Variants in LTA4H observed in about 807,000 individuals in gnomAD.
LTA4H encodes the protein leukotriene A4 hydrolase.
Under a neutral mutation model 89.8 loss-of-function variants are expected in LTA4H, and 59 were observed. That is an observed-to-expected ratio of 0.66 (90% CI 0.53 to 0.82). The LOEUF (loss-of-function observed/expected upper bound fraction) is 0.82, where lower values mean the gene tolerates loss of function less well. Ranked by LOEUF, LTA4H falls within the 40% of genes least tolerant of loss-of-function variation. LTA4H has a pLI of 0.00. For missense variants in LTA4H, 617 were observed against 727.0 expected (o/e 0.85, Z 1.74); for synonymous variants, 227 against 253.1 (o/e 0.90, Z 0.98).
In LTA4H at chr12:96,022,928, C is replaced by T. The variant is rs995820654; in HGVS notation, c.481-677G>A. Among the ~76,000 whole-genome samples the T allele has an allele frequency of 3.3e-5, 5 of 152,136 alleles. No homozygotes were observed. The highest frequency in any genetic ancestry group is 6.5e-5 in the Admixed American group (1 of 15,274). On this transcript the variant is annotated intron_variant, in intron 4 of 18. Coordinates refer to ENST00000228740, the MANE Select transcript of LTA4H (RefSeq NM_000895.3). This position sits in a 1 kb window ranked among gnomAD's most constrained non-coding sequence, Gnocchi z 4.0. ...ACACTTGGAGTTACAAATAGAGGAA[C>T]ATTTTAAAAGTAGTAACTGTGAAAA...
intron 5 of LTA4H, among the ~76,000 whole-genome samples, chr12:96,021,656 C>T (rs1950453863): frequency 6.9e-6 from 1 of 145,128 alleles, no homozygotes; most frequent in African/African-American, 2.7e-5. Context: ...ATTGTGAGGT[C>T]AATTAAGAAA....
At chr12:96,010,116 C>G (rs7296106) in intron 14 of LTA4H, 7 of 152,016 alleles carry the variant, frequency 4.6e-5, no homozygotes, top group Non-Finnish European at 7.3e-5. Flanking sequence ...TGCTTTCAAC[C>G]AAAACATTAT....
upstream of LTA4H, among the ~76,000 whole-genome samples, chr12:96,036,925 C>T (rs1043451462): frequency 9.2e-5 from 14 of 152,110 alleles, no homozygotes; most frequent in African/African-American, 2.7e-4. Flanking sequence ...CTACATGGCC[C>T]GAGCAAGAGC....
chr12:96,035,210 G>A, intron 1 of LTA4H, 151 bp downstream of exon 1: 1 of 756,214 alleles, frequency 1.3e-6, no homozygotes, highest in Non-Finnish European at 2.1e-6. Flanking sequence ...CACAACATGA[G>A]TTGGATGGAG....
chr12:96,006,477 C>A, intron 15 of LTA4H, 68 bp from the exon 16 acceptor site: 3 of 843,894 alleles, frequency 3.6e-6, no homozygotes, highest in South Asian at 1.8e-5. Context: ...GTTTATCTGA[C>A]ATAAAAGTAA....
intron 1 of LTA4H, among the ~76,000 whole-genome samples, chr12:96,041,796 C>G (rs1378005625): frequency 6.6e-6 from 1 of 151,352 alleles, no homozygotes; most frequent in African/African-American, 2.4e-5. Flanking sequence ...CGCCCGCCAC[C>G]ACGCCCAGCT....
upstream of LTA4H, among the ~76,000 whole-genome samples, chr12:96,039,919 C>T (rs1408981837): frequency 1.3e-5 from 2 of 152,172 alleles, no homozygotes. Context: ...TGTCTTACCT[C>T]TTGGATAATT....
chr12:96,035,895 T>G (rs550044778), upstream of LTA4H, among the ~76,000 whole-genome samples: 29 of 152,148 alleles, frequency 1.9e-4, no homozygotes, highest in Non-Finnish European at 3.1e-4. Flanking sequence ...TTGGCTCTGT[T>G]CAACTTTCGT....
intron 9 of LTA4H, among the ~76,000 whole-genome samples, 182 bp from the exon 10 acceptor site, chr12:96,017,296 A>C (rs939632355): frequency 4.6e-5 from 7 of 152,236 alleles, no homozygotes; most frequent in Non-Finnish European, 1.0e-4. Flanking sequence ...CAAATATGGC[A>C]TAAAGTAATT....
chr12:96,021,471 T>C (rs532016327), intron 5 of LTA4H, among the ~76,000 whole-genome samples: 1 of 152,316 alleles, frequency 6.6e-6, no homozygotes, highest in South Asian at 2.1e-4. Context: ...ATTTCCCATA[T>C]GTTTGCCTTT....
At chr12:96,034,339 G>A (rs1025739468) in intron 1 of LTA4H, among the ~76,000 whole-genome samples, 1 of 152,134 alleles carries the variant, frequency 6.6e-6, no homozygotes, top group Non-Finnish European at 1.5e-5. Flanking sequence ...TCAGATGAAA[G>A]GTATAAACCA....
intron 14 of LTA4H, 67 bp downstream of exon 14, chr12:96,013,121 C>G (rs117467821): frequency 8.2e-7 from 1 of 1,213,438 alleles, no homozygotes; most frequent in African/African-American, 1.5e-5. Context: ...ACTATTCTTT[C>G]AGATATTTTG....
At chr12:96,015,203 T>A in intron 11 of LTA4H, 1 of 506,992 alleles carries the variant, frequency 2.0e-6, no homozygotes, top group Non-Finnish European at 3.4e-6. Flanking sequence ...CTCTGTTGTT[T>A]CTTGCTCAAT....
intron 1 of LTA4H, 114 bp downstream of exon 1, chr12:96,035,247 G>C (rs941418244): frequency 4.6e-6 from 5 of 1,085,704 alleles, no homozygotes; most frequent in Non-Finnish European, 6.5e-6. Flanking sequence ...CGGGGACGTG[G>C]GGCTAGGCAG....
chr12:96,020,769 G>T, intron 6 of LTA4H: 1 of 222,930 alleles, frequency 4.5e-6, no homozygotes. Context: ...CTATGAGGTA[G>T]AAAGTCAGAC....
chr12:96,015,580 T>C lies in LTA4H; in HGVS notation c.1059+3A>G. On this transcript the variant is annotated splice_donor_region_variant and intron_variant, in intron 11 of 18. Coordinates refer to ENST00000228740, the MANE Select transcript of LTA4H (RefSeq NM_000895.3). ...AAGGTTTTTAAAACTTTGACTCCTT[T>C]ACCGAATTCTGTAGTTCTCCCCATC... is the stretch of plus-strand genomic sequence containing the variant. 6.2e-7 allele frequency: 1 copy of C among 1,601,362 alleles called. No individual in the cohort carries two copies. Among genetic ancestry groups the C allele is most frequent in the Non-Finnish European group, 8.5e-7 (1 of 1,170,044 alleles).
At chr12:96,024,228 A>C (rs1183755946) in intron 4 of LTA4H, among the ~76,000 whole-genome samples, 1 of 152,068 alleles carries the variant, frequency 6.6e-6, no homozygotes, top group Non-Finnish European at 1.5e-5. Flanking sequence ...CACCACACCT[A>C]GCCCTGAATT....
At chr12:96,001,871 CAG>C (rs780357680) in intron 18 of LTA4H, among the ~76,000 whole-genome samples, 7 of 149,938 alleles carry the variant, frequency 4.7e-5, no homozygotes, top group African/African-American at 7.4e-5. Context: ...TTTTTTGAGA[CAG>C]AGTCTCGCAC....
chr12:96,038,676 GCCGCAAAC>G (rs1255051598), upstream of LTA4H, among the ~76,000 whole-genome samples: 1 of 151,474 alleles, frequency 6.6e-6, no homozygotes. Context: ...ACCACACAGA[GCCGCAAAC>G]ATTTTTTGAG....
Sources: gnomAD v4.1 joint callset for allele counts (sites outside exome capture counted in the v4.1 genomes callset) on GRCh38, gnomAD v4.1.1 for gene constraint, Gnocchi (gnomAD v3.1) non-coding constraint, MANE v1.5 for transcripts, NCBI Gene and HGNC (gene_info 2026-07-23, HGNC 2026-07-21) for gene names.